The following FRMD4A variants were observed in gnomAD, a reference collection of about 807,000 sequenced individuals.
The protein encoded by FRMD4A is FERM domain containing 4A, also known as FERM domain-containing protein 4A.
A neutral mutation model predicts 129.1 loss-of-function variants in FRMD4A; 29 were observed. The observed-to-expected ratio is 0.22, with a 90% CI of 0.17 to 0.31. The LOEUF (loss-of-function observed/expected upper bound fraction) is 0.31, where lower values mean the gene tolerates loss of function less well. FRMD4A is among the 10% of genes least tolerant of loss of function. The pLI, the probability that FRMD4A is intolerant of heterozygous loss-of-function variation, is 1.00. For missense variants in FRMD4A, 1,272 were observed against 1,375.8 expected (o/e 0.92, Z 1.19); for synonymous variants, 634 against 571.6 (o/e 1.11, Z -1.56).
chr10:13,824,894 CAA>C lies in FRMD4A; in HGVS notation c.112-13988_112-13987del, dbSNP rs1165591899. Among the ~76,000 whole-genome samples, 387 of 54,792 alleles carry C rather than the reference CAA, an allele frequency of 7.1e-3. 4 individuals are homozygous for C. The highest frequency in any genetic ancestry group is 0.024 in the African/African-American group (359 of 15,258). 35.9% of individuals were successfully genotyped at this position (54,792 alleles called of 152,430 possible). ...TAGGTGACAGAGCAAGACTCTGTCT[CAA>C]AAAAAAAAAAAAAAAAAAAAGAGTA... On this transcript the variant is annotated intron_variant, in intron 3 of 24. Coordinates refer to ENST00000357447, the MANE Select transcript of FRMD4A (RefSeq NM_018027.5).
intron 2 of FRMD4A, among the ~76,000 whole-genome samples, chr10:14,158,826 G>A (rs1032574905): frequency 7.8e-6 from 1 of 127,556 alleles, no homozygotes; most frequent in Non-Finnish European, 1.6e-5. Context: ...GAAGAAGAGG[G>A]AGGAGGAGAA....
At chr10:13,708,243 C>G (rs1283028365) in intron 12 of FRMD4A, among the ~76,000 whole-genome samples, 2 of 152,184 alleles carry the variant, frequency 1.3e-5, no homozygotes, top group East Asian at 3.9e-4. Context: ...GGCTCCTGAC[C>G]CTCTCTGACC....
chr10:13,700,530 C>G (rs928087422), intron 14 of FRMD4A, among the ~76,000 whole-genome samples: 4 of 152,192 alleles, frequency 2.6e-5, no homozygotes, highest in Admixed American at 6.5e-5. Context: ...CCCAAGCCAG[C>G]AGGATCTTGA....
intron 2 of FRMD4A, chr10:14,087,443 T>C (rs1312018568): frequency 6.6e-6 from 1 of 151,646 alleles, no homozygotes; most frequent in Non-Finnish European, 1.5e-5. Flanking sequence ...GTAAAGTACT[T>C]TGTATATTTT....
chr10:14,242,832 C>T (rs1480480094), intron 2 of FRMD4A, among the ~76,000 whole-genome samples: 1 of 152,100 alleles, frequency 6.6e-6, no homozygotes, highest in Non-Finnish European at 1.5e-5. Context: ...ATGAAAGCTC[C>T]TTAAAAAATT....
intron 12 of FRMD4A, among the ~76,000 whole-genome samples, chr10:13,723,700 CATTTTTAGAA>C (rs1217373716): frequency 6.6e-6 from 1 of 152,150 alleles, no homozygotes; most frequent in Admixed American, 6.5e-5. Context: ...ACTGAGAGAG[CATTTTTAGAA>C]ATGTTCTTGA....
chr10:14,030,357 A>T (rs940135199), intron 2 of FRMD4A, among the ~76,000 whole-genome samples: 1 of 152,254 alleles, frequency 6.6e-6, no homozygotes, highest in Non-Finnish European at 1.5e-5. Context: ...TTATTTCACA[A>T]TGTATACCTG....
At chr10:13,739,148 C>T (rs1050908889) in intron 11 of FRMD4A, among the ~76,000 whole-genome samples, 1 of 152,054 alleles carries the variant, frequency 6.6e-6, no homozygotes, top group East Asian at 1.9e-4. Flanking sequence ...ATTTGTGGGG[C>T]GTGAGTTATT....
intron 2 of FRMD4A, among the ~76,000 whole-genome samples, chr10:14,266,114 A>G (rs1589244794): frequency 2.6e-5 from 3 of 113,570 alleles, no homozygotes; most frequent in Admixed American, 2.6e-4. Flanking sequence ...AGCTTTCCCA[A>G]CCTCGGCACT....
At chr10:13,981,293 A>G (rs2095559738) in intron 2 of FRMD4A, among the ~76,000 whole-genome samples, 1 of 152,242 alleles carries the variant, frequency 6.6e-6, no homozygotes, top group Non-Finnish European at 1.5e-5. Context: ...TCCAGAATTT[A>G]AAGGTCAAGG....
At chr10:14,256,395 A>G (rs1844615629) in intron 2 of FRMD4A, among the ~76,000 whole-genome samples, 1 of 152,210 alleles carries the variant, frequency 6.6e-6, no homozygotes, top group Non-Finnish European at 1.5e-5. Context: ...TCCACTAGAA[A>G]TTACAATGGA....
intron 2 of FRMD4A, among the ~76,000 whole-genome samples, chr10:14,030,859 T>C (rs1376436674): frequency 6.6e-6 from 1 of 152,170 alleles, no homozygotes; most frequent in African/African-American, 2.4e-5. Flanking sequence ...GCCTCTCCAA[T>C]GAGTACAAAG....
rs1218363 is a variant in FRMD4A, at chr10:14,277,380, A to T, written c.45+52678T>A. Among the ~76,000 whole-genome samples the T allele has an allele frequency of 2.0e-5, 3 of 152,256 alleles. No homozygotes were observed. The South Asian group carries it at 6.2e-4, about 32-fold the overall frequency. ...TAGGAGGTGATTAGGTTATGAGGGTAGAACTATTATGAATGGGATTAGTGT... is the reference window on the plus strand; with the variant it reads ...TAGGAGGTGATTAGGTTATGAGGGTTGAACTATTATGAATGGGATTAGTGT... On this transcript the variant is annotated intron_variant, in intron 2 of 24. Coordinates refer to ENST00000357447, the MANE Select transcript of FRMD4A (RefSeq NM_018027.5).
At chr10:14,309,275 C>A (rs1846457671) in intron 2 of FRMD4A, among the ~76,000 whole-genome samples, 1 of 152,030 alleles carries the variant, frequency 6.6e-6, no homozygotes, top group Non-Finnish European at 1.5e-5. Flanking sequence ...CATAGTGAGA[C>A]CTCATCTCTA....
intron 3 of FRMD4A, among the ~76,000 whole-genome samples, chr10:13,838,294 G>C (rs1365898095): frequency 7.1e-6 from 1 of 140,560 alleles, no homozygotes; most frequent in Non-Finnish European, 1.5e-5. Context: ...GGATCTCCCT[G>C]TGTTGCCCAG....
At chr10:13,952,223 C>T (rs1334741180) in intron 2 of FRMD4A, among the ~76,000 whole-genome samples, 1 of 151,408 alleles carries the variant, frequency 6.6e-6, no homozygotes, top group Non-Finnish European at 1.5e-5. Context: ...GCTGCCTGGG[C>T]GTGGTGGCTC....
At chr10:14,197,278 CTT>C in intron 2 of FRMD4A, among the ~76,000 whole-genome samples, 1 of 152,282 alleles carries the variant, frequency 6.6e-6, no homozygotes, top group African/African-American at 2.4e-5. Flanking sequence ...CACGTGATAA[CTT>C]TTAAGGGCAA....
chr10:13,882,041 T>C (rs1334124735), intron 2 of FRMD4A, among the ~76,000 whole-genome samples: 1 of 109,214 alleles, frequency 9.2e-6, no homozygotes, highest in African/African-American at 3.4e-5. Flanking sequence ...GTGTGTGTGA[T>C]GGTTAACATA....
chr10:13,989,703 GA>G (rs2095596629), intron 2 of FRMD4A, among the ~76,000 whole-genome samples: 1 of 152,182 alleles, frequency 6.6e-6, no homozygotes, highest in African/African-American at 2.4e-5. Flanking sequence ...AGGGGAAATG[GA>G]AGCAGGGAGA....
Sources: gnomAD v4.1 joint callset for allele counts (sites outside exome capture counted in the v4.1 genomes callset) on GRCh38, gnomAD v4.1.1 for gene constraint, MANE v1.5 for transcripts, NCBI Gene and HGNC (gene_info 2026-07-23, HGNC 2026-07-21) for gene names.